Variants in NXN observed in about 807,000 individuals in gnomAD.
The protein encoded by NXN is nucleoredoxin, also known as nucleoredoxin 1.
In NXN, 16 loss-of-function variants were observed where a neutral mutation model predicts 48.6. That is an observed-to-expected ratio of 0.33 (90% CI 0.22 to 0.50). The LOEUF is 0.50. Among genes scored for constraint, NXN ranks in the 20% least tolerant of loss-of-function variants. The pLI, the probability that NXN is intolerant of heterozygous loss-of-function variation, is 0.98. For missense variants in NXN, 492 were observed against 605.5 expected (o/e 0.81, Z 1.97); for synonymous variants, 281 against 269.6 (o/e 1.04, Z -0.41).
chr17:800,047 C>A lies in NXN; in HGVS notation c.*902G>T. The A allele has an allele frequency of 6.6e-6, 1 of 152,474 alleles. No homozygotes were observed. Among genetic ancestry groups the A allele is most frequent in the Non-Finnish European group, 1.5e-5 (1 of 68,204 alleles). The allele number at this position is 152,474 out of a possible 1,614,324, so 9.4% of individuals were successfully genotyped here. The stretch of plus-strand genomic sequence containing the variant: ...AGGAGAATCACTTGAACCTTGGGGG[C>A]GGAGGTTGAAGTGAGCCAAGATGGT... On this transcript the variant is annotated 3_prime_UTR_variant, in exon 8 of 8. Transcript: ENST00000336868.
intron 1 of NXN, among the ~76,000 whole-genome samples, chr17:848,726 T>G (rs2067892333): frequency 6.6e-6 from 1 of 152,238 alleles, no homozygotes; most frequent in African/African-American, 2.4e-5. Flanking sequence ...GCTTGCCTCC[T>G]GGTTACCTTC....
chr17:885,516 G>GATTTCAT (rs1299392832), intron 1 of NXN, among the ~76,000 whole-genome samples: 4 of 151,428 alleles, frequency 2.6e-5, no homozygotes, highest in African/African-American at 9.7e-5. Flanking sequence ...AAGAGTTCAG[G>GATTTCAT]ATTTCATAGT....
chr17:879,314 GA>G (rs1555617774), intron 1 of NXN, among the ~76,000 whole-genome samples: 16 of 147,422 alleles, frequency 1.1e-4, no homozygotes, highest in Non-Finnish European at 2.1e-4. Context: ...TTTTGAGACA[GA>G]GTCTCACTCT....
chr17:941,371 T>G (rs2068973155), intron 1 of NXN, among the ~76,000 whole-genome samples: 1 of 147,720 alleles, frequency 6.8e-6, no homozygotes, highest in Non-Finnish European at 1.5e-5. Context: ...TGAACAAGAT[T>G]CCAGGGTGCA....
intron 1 of NXN, among the ~76,000 whole-genome samples, chr17:957,950 C>T (rs1015288731): frequency 3.3e-5 from 5 of 152,144 alleles, no homozygotes; most frequent in African/African-American, 4.8e-5. Flanking sequence ...CCAAGGGAAC[C>T]TCTGTTTTCC....
intron 5 of NXN, among the ~76,000 whole-genome samples, chr17:811,599 G>T (rs1429198168): frequency 6.6e-6 from 1 of 152,148 alleles, no homozygotes; most frequent in Non-Finnish European, 1.5e-5. Flanking sequence ...TGAGCCCAGT[G>T]GTCCTGTGGA....
intron 1 of NXN, among the ~76,000 whole-genome samples, chr17:869,058 T>C (rs1371298405): frequency 1.3e-5 from 2 of 152,098 alleles, no homozygotes; most frequent in African/African-American, 4.8e-5. Flanking sequence ...TGGGGCAGAT[T>C]CTACCCAAGC....
intron 1 of NXN, among the ~76,000 whole-genome samples, chr17:907,361 A>G (rs1240447027): frequency 6.7e-6 from 1 of 149,948 alleles, no homozygotes; most frequent in East Asian, 1.9e-4. Flanking sequence ...TTTTTTTTAA[A>G]CAGAGTCTCA....
intron 7 of NXN, 74 bp downstream of exon 7, chr17:803,608 T>G: frequency 6.3e-7 from 1 of 1,595,564 alleles, no homozygotes; most frequent in South Asian, 1.1e-5. Context: ...CAGGCAACCC[T>G]GGGGCCAGGA....
chr17:926,983 G>A (rs1438876494), intron 1 of NXN, among the ~76,000 whole-genome samples: 2 of 152,108 alleles, frequency 1.3e-5, no homozygotes, highest in African/African-American at 4.8e-5. Context: ...GTGATCCAAT[G>A]GGAGGCTGGA....
At chr17:976,894 G>C (rs944411396) in intron 1 of NXN, among the ~76,000 whole-genome samples, 2 of 151,800 alleles carry the variant, frequency 1.3e-5, no homozygotes, top group Non-Finnish European at 2.9e-5. Flanking sequence ...AGCCTCCCTA[G>C]TAGCTGGGAC....
At chr17:947,732 C>CA (rs1159185042) in intron 1 of NXN, among the ~76,000 whole-genome samples, 971 of 35,894 alleles carry the variant, frequency 0.027, 9 homozygotes, top group East Asian at 0.13. Flanking sequence ...GGCTCCCTCT[C>CA]AAAAAAAAAA....
In NXN at chr17:830,647, C is replaced by A. The variant is rs8068241; in HGVS notation, c.361-4569G>T. Among the ~76,000 whole-genome samples the A allele has an allele frequency of 6.6e-6, 1 of 151,890 alleles. No individual in the cohort carries two copies. The highest frequency in any genetic ancestry group is 1.5e-5 in the Non-Finnish European group (1 of 67,982). On this transcript the variant is annotated intron_variant, in intron 1 of 7. Transcript: ENST00000336868. The surrounding 1 kb of genome is among the most constrained non-coding windows in gnomAD (Gnocchi z 4.2). ...TTTGTGAACCACATCGTCAAGGCCC[C>A]GTGGACGACAGCAAAAATAACAGGT...
chr17:812,228 G>A (rs566451168), intron 5 of NXN, among the ~76,000 whole-genome samples: 2 of 152,124 alleles, frequency 1.3e-5, no homozygotes, highest in East Asian at 3.9e-4. Context: ...CGCGTGGCCT[G>A]GGTTACCCAT....
chr17:826,917 G>A (rs1055657509), intron 1 of NXN, among the ~76,000 whole-genome samples: 1 of 152,272 alleles, frequency 6.6e-6, no homozygotes, highest in African/African-American at 2.4e-5. Flanking sequence ...AAAGCCCAGG[G>A]CTGGAAGCCA....
chr17:828,065 G>A (rs916867860), intron 1 of NXN, among the ~76,000 whole-genome samples: 5 of 152,110 alleles, frequency 3.3e-5, no homozygotes, highest in African/African-American at 1.2e-4. Flanking sequence ...ACCAGCCCGG[G>A]ACCTCACAAC....
intron 1 of NXN, among the ~76,000 whole-genome samples, chr17:953,951 C>T (rs965020227): frequency 6.6e-6 from 1 of 152,158 alleles, no homozygotes; most frequent in Non-Finnish European, 1.5e-5. Flanking sequence ...TGCACGTGGT[C>T]GTGTGGCTCC....
At chr17:903,350 C>T (rs536493377) in intron 1 of NXN, among the ~76,000 whole-genome samples, 9 of 151,458 alleles carry the variant, frequency 5.9e-5, no homozygotes, top group African/African-American at 1.7e-4. Context: ...GGATTACAGG[C>T]GCCCGCCACC....
rs151038219 is a variant in NXN at position 967,434 on chromosome 17, C to T, written c.360+11885G>A. 5.1e-3 allele frequency among the ~76,000 whole-genome samples: 782 copies of T among 152,330 alleles called. 37 individuals are homozygous for T. The highest frequency in any genetic ancestry group is 0.046 in the Admixed American group (711 of 15,300). ...GCATCTGTGCCACCCGGGCCTAAAGCTGACCTATATCTGGACCTCTCACCC... is the reference window on the plus strand; with the variant it reads ...GCATCTGTGCCACCCGGGCCTAAAGTTGACCTATATCTGGACCTCTCACCC... On this transcript the variant is annotated intron_variant, in intron 1 of 7. Transcript: ENST00000336868.
Sources: allele counts gnomAD v4.1 joint callset (sites outside exome capture counted in the v4.1 genomes callset), GRCh38; gene constraint gnomAD v4.1.1; non-coding constraint Gnocchi (gnomAD v3.1); transcripts MANE v1.5; gene names NCBI Gene and HGNC (gene_info 2026-07-23, HGNC 2026-07-21).